FRK: variants seen among roughly 807,000 people sequenced by gnomAD.
FRK encodes fyn related Src family tyrosine kinase.
Under a neutral mutation model 56.4 loss-of-function variants are expected in FRK, and 51 were observed. The observed-to-expected ratio is 0.90, with a 90% CI of 0.72 to 1.14. The LOEUF (loss-of-function observed/expected upper bound fraction) is 1.14. Among genes scored for constraint, FRK ranks in the 50% most tolerant of loss-of-function variants. The pLI, the probability that FRK is intolerant of heterozygous loss-of-function variation, is 0.00. For synonymous variants in FRK, 245 were observed against 217.9 expected, an observed-to-expected ratio of 1.12 and a Z score of -1.10; for missense variants, 570 against 601.4, an observed-to-expected ratio of 0.95 and a Z score of 0.55.
At chr6:115,957,426 T>C (rs971905886) in intron 4 of FRK, among the ~76,000 whole-genome samples, 4 of 152,212 alleles carry the variant, frequency 2.6e-5, no homozygotes, top group East Asian at 1.9e-4. Context: ...AAATCTTTTC[T>C]TTTAGAATAT....
At chr6:116,016,223 C>T (rs956002725) in intron 1 of FRK, among the ~76,000 whole-genome samples, 3 of 152,148 alleles carry the variant, frequency 2.0e-5, no homozygotes, top group Admixed American at 1.3e-4. Context: ...ACTTGGTGCC[C>T]TATGTCTCAG....
At chr6:115,956,721 C>A in intron 4 of FRK, 111 bp from the exon 5 acceptor site, 1 of 787,320 alleles carries the variant, frequency 1.3e-6, no homozygotes, top group Non-Finnish European at 1.9e-6. Context: ...AGAGTAAGAG[C>A]CTCAGTATCA....
chr6:115,995,369 A>C (rs1774798199), intron 2 of FRK, among the ~76,000 whole-genome samples: 1 of 152,174 alleles, frequency 6.6e-6, no homozygotes, highest in Non-Finnish European at 1.5e-5. Context: ...GAATTACAAA[A>C]ATATAGCAAT....
the FRK span, among the ~76,000 whole-genome samples, chr6:116,094,723 A>AAT: frequency 5.3e-5 from 8 of 152,228 alleles, no homozygotes; most frequent in Non-Finnish European, 1.2e-4. Flanking sequence ...AGAGACAGGG[A>AAT]AAGACCAGCA....
Position 115,945,346 on chromosome 6 carries a change from CT to C in FRK, c.959-922del, listed in dbSNP as rs1772384541. Among the ~76,000 whole-genome samples, 7 of 152,188 alleles carry C rather than the reference CT, an allele frequency of 4.6e-5. No homozygotes were observed. The South Asian group carries it at 1.5e-3, about 32-fold the overall frequency. On this transcript the variant is annotated intron_variant, in intron 5 of 7. Coordinates refer to ENST00000606080, the MANE Select transcript of FRK (RefSeq NM_002031.3). ...TCCTACGAACAGTGTACAAGTGTTCCTTTCTCTCCACAACCTTGCCAGCATC... is the reference window on the plus strand; with the variant it reads ...TCCTACGAACAGTGTACAAGTGTTCCTTCTCTCCACAACCTTGCCAGCATC...
rs754827578 is a variant in FRK, at chr6:116,048,730, T to G, written c.344+11238A>C. ...GTGTCAGTCTCTTTCTCCTCTCCTC[T>G]TCTACATCTAATTTGTAGTTTTACT... On this transcript the variant is annotated intron_variant, in intron 1 of 7. Coordinates refer to ENST00000606080, the MANE Select transcript of FRK (RefSeq NM_002031.3). Among the ~76,000 whole-genome samples the G allele has an allele frequency of 1.0e-3, 159 of 152,254 alleles. 2 individuals are homozygous for G. The highest frequency in any genetic ancestry group is 3.4e-3 in the Middle Eastern group (1 of 294).
Position 116,060,457 on chromosome 6 carries a change from A to G in FRK, c.-146T>C. On this transcript the variant is annotated 5_prime_UTR_variant, in exon 1 of 8. Transcript: ENST00000606080. ...AGTATGCAAAGTCCCGTTTCAGATC[A>G]GTCCAGCAGCTGGGTTGCAGCAAGT... 1 of 644,024 alleles carries G rather than the reference A, an allele frequency of 1.6e-6. No individual in the cohort carries two copies. The highest frequency in any genetic ancestry group is 2.7e-5 in the East Asian group (1 of 36,516). The allele number at this position is 644,024 out of a possible 1,614,324, so 39.9% of individuals were successfully genotyped here.
At position 115,942,205 on chromosome 6, in the gene FRK, G is replaced by C; in HGVS notation, c.*209C>G. ...GTGCTTAATTTTACCAGGCAGTGAG[G>C]AAATTATATATCACCTTGACTGTCC... On this transcript the variant is annotated 3_prime_UTR_variant, in exon 8 of 8. Coordinates refer to ENST00000606080, the MANE Select transcript of FRK (RefSeq NM_002031.3). 4.3e-6 allele frequency: 2 copies of C among 464,190 alleles called. No homozygotes were observed. Among genetic ancestry groups the C allele is most frequent in the Non-Finnish European group, 7.7e-6 (2 of 258,800 alleles). The allele number at this position is 464,190 out of a possible 1,614,324, so 28.8% of individuals were successfully genotyped here.
intron 1 of FRK, among the ~76,000 whole-genome samples, chr6:116,025,441 T>C (rs1431378872): frequency 1.3e-5 from 2 of 152,226 alleles, no homozygotes; most frequent in African/African-American, 2.4e-5. Flanking sequence ...AAAATCTATA[T>C]ATGGAATCTA....
chr6:116,015,538 G>T (rs949410279), intron 1 of FRK, among the ~76,000 whole-genome samples: 1 of 152,180 alleles, frequency 6.6e-6, no homozygotes, highest in African/African-American at 2.4e-5. Flanking sequence ...TTGGAACTAG[G>T]TAACAGGCAG....
chr6:116,059,261 G>A (rs920717401), intron 1 of FRK, among the ~76,000 whole-genome samples: 1 of 152,046 alleles, frequency 6.6e-6, no homozygotes, highest in African/African-American at 2.4e-5. Context: ...TCAAATACCA[G>A]GATAAAGTCT....
the FRK span, among the ~76,000 whole-genome samples, chr6:116,097,384 G>C: frequency 1.3e-5 from 2 of 152,064 alleles, no homozygotes; most frequent in African/African-American, 4.8e-5. Context: ...ACAAAAAGTT[G>C]AACATACAAT....
the FRK span, among the ~76,000 whole-genome samples, chr6:116,082,454 G>C: frequency 1.3e-5 from 2 of 152,196 alleles, no homozygotes; most frequent in Admixed American, 1.3e-4. Context: ...GGCTGGAAAT[G>C]GTGGTGACTT....
At chr6:116,069,335 T>A in the FRK span, among the ~76,000 whole-genome samples, 1 of 152,184 alleles carries the variant, frequency 6.6e-6, no homozygotes, top group Non-Finnish European at 1.5e-5. Flanking sequence ...GACGGCATAG[T>A]TCTTACTGTT....
intron 1 of FRK, among the ~76,000 whole-genome samples, chr6:116,045,836 A>T (rs1232722440): frequency 6.6e-6 from 1 of 151,416 alleles, no homozygotes; most frequent in Non-Finnish European, 1.5e-5. Flanking sequence ...AAAAGAAACT[A>T]TCATCAGAGT....
upstream of FRK, among the ~76,000 whole-genome samples, chr6:116,062,005 G>C (rs898465612): frequency 6.8e-6 from 1 of 147,212 alleles, no homozygotes; most frequent in East Asian, 2.0e-4. Context: ...AAAGAAAGAA[G>C]GAAAGAAAGA....
chr6:115,942,436 T>G lies in FRK; in HGVS notation c.1496A>C (p.Asp499Ala). ...TGTTCATCTTATGAAGTTATTTGCA[T>G]CTGAATATGAAGAGTCTGTTTCAAA... is the stretch of plus-strand genomic sequence containing the variant. ...DYFETDSSYSDANNFIR is the reference protein window; with the variant it reads ...DYFETDSSYSAANNFIR The change falls in exon 8 of 8, where the codon GAT becomes GCT. Residue 499 changes from aspartate (D) to alanine (A), a missense_variant. By Grantham distance (126) the Asp-to-Ala change is moderately radical. Transcript: ENST00000606080. 2 of 1,613,224 alleles carry G rather than the reference T, an allele frequency of 1.2e-6. No homozygotes were observed. The highest frequency in any genetic ancestry group is 2.2e-5 in the South Asian group (2 of 91,046).
chr6:116,073,682 G>A, the FRK span, among the ~76,000 whole-genome samples: 1 of 152,074 alleles, frequency 6.6e-6, no homozygotes, highest in Non-Finnish European at 1.5e-5. Flanking sequence ...TATTTTCCTT[G>A]TACATATTAT....
chr6:116,085,672 C>A, the FRK span, among the ~76,000 whole-genome samples: 15 of 152,104 alleles, frequency 9.9e-5, no homozygotes, highest in African/African-American at 3.4e-4. Context: ...ACAAATCCCC[C>A]CATCACCACA....
Sources: gnomAD v4.1 joint callset for allele counts (sites outside exome capture counted in the v4.1 genomes callset) on GRCh38, gnomAD v4.1.1 for gene constraint, MANE v1.5 for transcripts, NCBI Gene and HGNC (gene_info 2026-07-23, HGNC 2026-07-21) for gene names.